The following SNRPN variants were observed in gnomAD, a reference collection of about 807,000 sequenced individuals.
The protein encoded by SNRPN is small nuclear ribonucleoprotein-associated protein N.
Under a neutral mutation model 25.2 loss-of-function variants are expected in SNRPN, and 7 were observed. The ratio of observed to expected loss-of-function variants is 0.28; its 90% CI spans 0.16 to 0.52. The LOEUF (loss-of-function observed/expected upper bound fraction) is 0.52, where lower values mean the gene tolerates loss of function less well. Ranked by LOEUF, SNRPN falls within the 20% of genes least tolerant of loss-of-function variation. The probability of loss-of-function intolerance (pLI) is 0.96; values close to 1 mark genes in which losing one functional copy is unlikely to be tolerated. For missense variants in SNRPN, 196 were observed against 322.5 expected, an observed-to-expected ratio of 0.61 and a Z score of 3.00; for synonymous variants, 124 against 110.6, an observed-to-expected ratio of 1.12 and a Z score of -0.76.
chr15:24,962,096 C>T lies in SNRPN; in HGVS notation c.-390-18C>T, dbSNP rs777635512. 2 of 1,606,126 alleles carry T rather than the reference C, an allele frequency of 1.2e-6. No individual in the cohort carries two copies. Among genetic ancestry groups the T allele is most frequent in the African/African-American group, 2.7e-5 (2 of 74,694 alleles). On this transcript the variant is annotated intron_variant, in intron 1 of 9. Transcript: ENST00000390687. ...TTGATGCAGTCTACCAAACAAATGC[C>T]TCTCTTTTCTGTTTCAGGGATCGCT...
intron 2 of SNRPN, among the ~76,000 whole-genome samples, chr15:24,834,536 G>T (rs1168354598): frequency 1.3e-5 from 2 of 151,790 alleles, no homozygotes; most frequent in Non-Finnish European, 2.9e-5. Context: ...TCATTTGCCA[G>T]CCTGAGCAAC....
chr15:24,847,165 G>A (rs1237480184), intron 2 of SNRPN, among the ~76,000 whole-genome samples: 1 of 152,014 alleles, frequency 6.6e-6, no homozygotes, highest in Non-Finnish European at 1.5e-5. Context: ...CACCTTACCA[G>A]CATTTCAAAA....
In SNRPN at chr15:24,863,278, C is replaced by T. The variant is rs555710526; in HGVS notation, c.-579+6562C>T. On this transcript the variant is annotated intron_variant, in intron 1 of 11. Coordinates refer to the SNRPN transcript ENST00000400097. Reference sequence around the variant, plus strand: ...CAGTGGCTGGCTCATGGCCACCTTGCATCACAGGGTGAGAGCAGCCTCACA... The same window carrying T: ...CAGTGGCTGGCTCATGGCCACCTTGTATCACAGGGTGAGAGCAGCCTCACA... 2.7e-5 allele frequency among the ~76,000 whole-genome samples: 4 copies of T among 150,794 alleles called. No individual in the cohort carries two copies. In the South Asian group the frequency reaches 6.2e-4, roughly 23 times the overall value.
chr15:24,906,035 T>C (rs535721930), intron 2 of SNRPN, among the ~76,000 whole-genome samples: 11 of 152,256 alleles, frequency 7.2e-5, no homozygotes, highest in African/African-American at 2.6e-4. Flanking sequence ...AAAAATAATA[T>C]CAAATGTAGT....
rs760960743 is a variant in SNRPN at position 24,962,168 on chromosome 15, C to A, written c.-336C>A. The A allele has an allele frequency of 1.8e-5, 29 of 1,613,926 alleles. No homozygotes were observed. The Middle Eastern group carries it at 4.9e-4, about 27-fold the overall frequency. On this transcript the variant is annotated 5_prime_UTR_variant, in exon 2 of 10. Coordinates refer to ENST00000390687, the MANE Select transcript of SNRPN (RefSeq NM_003097.6). The stretch of plus-strand genomic sequence containing the variant: ...AACAGCACGTACCAGAGGTGGAAGT[C>A]CAAGTCAAACGCAGAAGGACTGCCT...
intron 3 of SNRPN, among the ~76,000 whole-genome samples, chr15:24,948,628 C>T (rs368707425): frequency 2.6e-5 from 4 of 151,998 alleles, no homozygotes; most frequent in South Asian, 2.1e-4. Context: ...CACAGTACAG[C>T]TAGTACTCAT....
chr15:24,918,406 CATA>C (rs1566908674), intron 2 of SNRPN, among the ~76,000 whole-genome samples: 1 of 62,918 alleles, frequency 1.6e-5, no homozygotes, highest in Admixed American at 1.8e-4. Context: ...ATATATATAA[CATA>C]ATATATATGT....
At chr15:24,935,197 G>A (rs1371710664) in intron 3 of SNRPN, among the ~76,000 whole-genome samples, 2 of 151,874 alleles carry the variant, frequency 1.3e-5, no homozygotes, top group African/African-American at 4.8e-5. Flanking sequence ...GCCTGAACCC[G>A]GGAGGTTGAG....
intron 2 of SNRPN, among the ~76,000 whole-genome samples, chr15:24,842,020 A>G (rs776365420): frequency 1.6e-4 from 24 of 152,232 alleles, no homozygotes; most frequent in Non-Finnish European, 2.2e-4. Flanking sequence ...GAGGAGAGTG[A>G]CATGTCCCAT....
rs574983300 is a variant in SNRPN, at chr15:24,872,435, A to T, written c.-578-14081A>T. On this transcript the variant is annotated intron_variant, in intron 1 of 11. Coordinates refer to the SNRPN transcript ENST00000400097. ...ACCCACCTACCATACCCAGTCAAAA[A>T]TACATTTTTTTTTGGAAAATATAGT... is the stretch of plus-strand genomic sequence containing the variant. Among the ~76,000 whole-genome samples, 5 of 106,020 alleles carry T rather than the reference A, an allele frequency of 4.7e-5. 2 individuals are homozygous for T. Among genetic ancestry groups the T allele is most frequent in the African/African-American group, 1.8e-4 (5 of 28,046 alleles). 69.6% of individuals were successfully genotyped at this position (106,020 alleles called of 152,430 possible). A position where few individuals can be genotyped will look rare whatever the true frequency, so the allele number is the denominator to read the frequency against.
At chr15:24,923,922 CA>C (rs1566917512) in intron 3 of SNRPN, among the ~76,000 whole-genome samples, 4 of 14,808 alleles carry the variant, frequency 2.7e-4, no homozygotes, top group East Asian at 4.9e-3. Context: ...TGTATATAAA[CA>C]TTTTTTTTTT....
chr15:24,839,665 T>A (rs1395709904), intron 2 of SNRPN, among the ~76,000 whole-genome samples: 1 of 152,094 alleles, frequency 6.6e-6, no homozygotes, highest in Non-Finnish European at 1.5e-5. Context: ...CAAATGATGA[T>A]GACAACCACA....
intron 2 of SNRPN, among the ~76,000 whole-genome samples, chr15:24,890,868 C>G (rs891132524): frequency 3.3e-5 from 5 of 152,098 alleles, no homozygotes; most frequent in African/African-American, 1.2e-4. Flanking sequence ...CAGAAATAAT[C>G]ACAACATGTG....
chr15:24,947,466 T>C (rs2061955271), intron 3 of SNRPN, among the ~76,000 whole-genome samples: 1 of 152,170 alleles, frequency 6.6e-6, no homozygotes. Flanking sequence ...CCGTCTCTAC[T>C]AAAAATACAA....
chr15:24,857,249 ATGT>A (rs1168638822), intron 1 of SNRPN, among the ~76,000 whole-genome samples: 2 of 152,192 alleles, frequency 1.3e-5, no homozygotes, highest in African/African-American at 4.8e-5. Context: ...GAATGTCGTC[ATGT>A]TGTTTGCTTT....
rs760439672 is a variant in SNRPN at position 24,976,945 on chromosome 15, A to G, written c.336A>G (p.Arg112=). The G allele has an allele frequency of 2.5e-6, 4 of 1,607,624 alleles. No homozygotes were observed. The African/African-American group carries it at 5.4e-5, about 22-fold the overall frequency. The change falls in exon 7 of 10, where the codon AGA becomes AGG. Residue 112 remains arginine (R), a synonymous_variant. Transcript: ENST00000390687. The part of the protein sequence containing the change: ...GGPGVGRAAG[R]GVPAGVPIPQ... ...CTGGGGTTGGTAGGGCAGCTGGTAG[A>G]GGAGTACCAGCTGGTGTGCCAATTC...
intron 1 of SNRPN, among the ~76,000 whole-genome samples, chr15:24,960,823 T>A (rs1399645256): frequency 6.6e-6 from 1 of 152,178 alleles, no homozygotes; most frequent in Admixed American, 6.5e-5. Context: ...ACAAAAGCTG[T>A]AGATAGTTAA....
At chr15:24,973,956 G>C (rs935059763) in intron 3 of SNRPN, among the ~76,000 whole-genome samples, 3 of 152,292 alleles carry the variant, frequency 2.0e-5, no homozygotes, top group African/African-American at 7.2e-5. Flanking sequence ...AAGAGTAATT[G>C]AGATGTTGAT....
intron 2 of SNRPN, among the ~76,000 whole-genome samples, chr15:24,907,047 C>T (rs544517449): frequency 6.6e-6 from 1 of 151,506 alleles, no homozygotes; most frequent in African/African-American, 2.4e-5. Context: ...TAAAATAATG[C>T]CAAAAAAGAG....
Sources: gnomAD v4.1 joint callset for allele counts (sites outside exome capture counted in the v4.1 genomes callset) on GRCh38, gnomAD v4.1.1 for gene constraint, MANE v1.5 for transcripts, NCBI Gene and HGNC (gene_info 2026-07-23, HGNC 2026-07-21) for gene names.